Variants in NRXN3 observed in about 807,000 individuals in gnomAD.
NRXN3 encodes neurexin 3, also known as neurexin III.
NRXN3 carries 32 observed loss-of-function variants against 137.6 expected under a neutral mutation model. The observed-to-expected ratio is 0.23, with a 90% CI of 0.18 to 0.31. NRXN3 has a LOEUF of 0.31. Among genes scored for constraint, NRXN3 ranks in the 10% least tolerant of loss-of-function variants. NRXN3 has a pLI of 1.00. For missense variants in NRXN3, 1,574 were observed against 2,062.5 expected, an observed-to-expected ratio of 0.76 and a Z score of 4.59; for synonymous variants, 798 against 784.5, an observed-to-expected ratio of 1.02 and a Z score of -0.29.
intron 15 of NRXN3, among the ~76,000 whole-genome samples, chr14:79,240,706 A>T (rs780078224): frequency 6.6e-5 from 10 of 152,058 alleles, no homozygotes; most frequent in Non-Finnish European, 1.0e-4. Context: ...CTCATAAAAC[A>T]TCCTTTTTTT....
At chr14:79,746,724 A>G (rs2098980850) in intron 19 of NRXN3, among the ~76,000 whole-genome samples, 1 of 152,088 alleles carries the variant, frequency 6.6e-6, no homozygotes. Flanking sequence ...TTGGTTTTGC[A>G]TGTATTCAAA....
At chr14:79,458,880 C>A (rs908844785) in intron 15 of NRXN3, among the ~76,000 whole-genome samples, 3 of 152,094 alleles carry the variant, frequency 2.0e-5, no homozygotes, top group Admixed American at 2.0e-4. Flanking sequence ...AAGAGGACAA[C>A]CTCATGTAAA....
chr14:78,945,247 T>G (rs1448048483), intron 10 of NRXN3, among the ~76,000 whole-genome samples: 1 of 152,232 alleles, frequency 6.6e-6, no homozygotes. Flanking sequence ...GAGAGGTATT[T>G]GTCTCTGAGC....
At chr14:79,449,999 A>G (rs2096138486) in intron 15 of NRXN3, among the ~76,000 whole-genome samples, 2 of 151,126 alleles carry the variant, frequency 1.3e-5, no homozygotes, top group Non-Finnish European at 3.0e-5. Flanking sequence ...TCAAAAAAAA[A>G]AAAAAAAAAA....
rs560120427 is a variant in NRXN3, at chr14:78,501,354, T to G, written c.758-143766T>G. 7.1e-4 allele frequency among the ~76,000 whole-genome samples: 108 copies of G among 152,276 alleles called. 1 individual carries two copies. The highest frequency in any genetic ancestry group is 2.5e-3 in the African/African-American group (104 of 41,566). ...CAGGATTTAGTTCCTCACTGGCTAT[T>G]GGCCAGATCCCTCCCTCATTGCCTC... On this transcript the variant is annotated intron_variant, in intron 4 of 20. Transcript: ENST00000335750.
At chr14:79,570,974 T>C (rs2097594706) in intron 16 of NRXN3, among the ~76,000 whole-genome samples, 1 of 152,216 alleles carries the variant, frequency 6.6e-6, no homozygotes. Flanking sequence ...TGTGACCTCA[T>C]TTATCCTCAA....
chr14:79,782,576 T>C (rs2099117190), intron 19 of NRXN3, among the ~76,000 whole-genome samples: 1 of 152,212 alleles, frequency 6.6e-6, no homozygotes, highest in Non-Finnish European at 1.5e-5. Flanking sequence ...TGCATTTAAA[T>C]CTTCAGGTGC....
chr14:79,144,517 C>T (rs2153007590), intron 15 of NRXN3, among the ~76,000 whole-genome samples: 1 of 152,252 alleles, frequency 6.6e-6, no homozygotes, highest in South Asian at 2.1e-4. Flanking sequence ...GTTTACCACC[C>T]ATCATGCTCT....
At chr14:79,653,729 C>CTAT (rs2098489082) in intron 16 of NRXN3, among the ~76,000 whole-genome samples, 2 of 152,138 alleles carry the variant, frequency 1.3e-5, no homozygotes, top group Non-Finnish European at 2.9e-5. Flanking sequence ...ATATATTGTT[C>CTAT]TATTTGCCAA....
intron 4 of NRXN3, among the ~76,000 whole-genome samples, chr14:78,458,283 A>T (rs2094811652): frequency 6.6e-6 from 1 of 152,212 alleles, no homozygotes. Flanking sequence ...CTGTGCAGAA[A>T]TGTGAGATAT....
At chr14:78,842,635 T>A (rs2099015709) in intron 10 of NRXN3, among the ~76,000 whole-genome samples, 1 of 152,044 alleles carries the variant, frequency 6.6e-6, no homozygotes, top group Non-Finnish European at 1.5e-5. Context: ...ATTTATTAGG[T>A]GGGAATTTCC....
At chr14:79,749,731 C>G (rs2098991311) in intron 19 of NRXN3, among the ~76,000 whole-genome samples, 1 of 151,986 alleles carries the variant, frequency 6.6e-6, no homozygotes. Flanking sequence ...ACCTCATATT[C>G]TCTCCCTGTT....
intron 16 of NRXN3, among the ~76,000 whole-genome samples, chr14:79,552,117 C>T (rs2097379090): frequency 6.6e-6 from 1 of 152,184 alleles, no homozygotes; most frequent in African/African-American, 2.4e-5. Context: ...TTTACAAATA[C>T]ACATTGTTGT....
intron 20 of NRXN3, among the ~76,000 whole-genome samples, chr14:79,847,360 G>T (rs932843127): frequency 6.6e-6 from 1 of 152,160 alleles, no homozygotes; most frequent in East Asian, 1.9e-4. Context: ...ACCCTTGTGA[G>T]TTGGAGTTAA....
chr14:78,266,275 C>T (rs895584635), intron 2 of NRXN3, among the ~76,000 whole-genome samples: 1 of 152,016 alleles, frequency 6.6e-6, no homozygotes, highest in African/African-American at 2.4e-5. Flanking sequence ...TAGGGACTCT[C>T]TCTCCTCTTA....
At position 79,132,281 on chromosome 14, in the gene NRXN3, A is replaced by G. The variant is rs1470687991; in HGVS notation, c.3262+144140A>G. Among the ~76,000 whole-genome samples the G allele has an allele frequency of 2.6e-5, 4 of 152,366 alleles. No homozygotes were observed. The East Asian group carries it at 7.7e-4, about 29-fold the overall frequency. On this transcript the variant is annotated intron_variant, in intron 15 of 20. Coordinates refer to ENST00000335750, the MANE Select transcript of NRXN3 (RefSeq NM_001330195.2). ...AGTATGTGTGAAACTACTCGGATAT[A>G]TGAATTACTTTTTCAGTTGTAAGTT...
At chr14:78,490,991 G>A (rs1451957319) in intron 4 of NRXN3, among the ~76,000 whole-genome samples, 2 of 152,066 alleles carry the variant, frequency 1.3e-5, no homozygotes, top group African/African-American at 2.4e-5. Context: ...TTCTGCATGT[G>A]CCTCCTTCTG....
Position 79,736,586 on chromosome 14 carries a change from G to A in NRXN3, c.4014+38649G>A, listed in dbSNP as rs10138144. Among the ~76,000 whole-genome samples, 709 of 152,242 alleles carry A rather than the reference G, an allele frequency of 4.7e-3. 5 individuals carry two copies. Among genetic ancestry groups the A allele is most frequent in the African/African-American group, 0.016 (685 of 41,554 alleles). On this transcript the variant is annotated intron_variant, in intron 19 of 20. Transcript: ENST00000335750. ...CCAGGTCGTGGGGGTGACAAAGGCCGGCAATTCAAAGGAATGAGAAAAAGA... is the reference window on the plus strand; with the variant it reads ...CCAGGTCGTGGGGGTGACAAAGGCCAGCAATTCAAAGGAATGAGAAAAAGA...
intron 4 of NRXN3, among the ~76,000 whole-genome samples, chr14:78,544,249 C>T (rs2096617836): frequency 6.6e-6 from 1 of 152,200 alleles, no homozygotes; most frequent in Non-Finnish European, 1.5e-5. Flanking sequence ...GATATGAGGG[C>T]ACAAGAGGTG....
Sources: gnomAD v4.1 joint callset for allele counts (sites outside exome capture counted in the v4.1 genomes callset) on GRCh38, gnomAD v4.1.1 for gene constraint, MANE v1.5 for transcripts, NCBI Gene and HGNC (gene_info 2026-07-23, HGNC 2026-07-21) for gene names.